Variants in NIPAL3 observed in about 807,000 individuals in gnomAD.
NIPAL3 encodes the protein NIPA like domain containing 3.
A neutral mutation model predicts 47.2 loss-of-function variants in NIPAL3; 41 were observed. That is an observed-to-expected ratio of 0.87 (90% CI 0.68 to 1.13). The LOEUF (loss-of-function observed/expected upper bound fraction) is 1.13. Ranked by LOEUF, NIPAL3 falls within the 50% of genes most tolerant of loss-of-function variation. The probability of loss-of-function intolerance (pLI) is 0.00; values close to 1 mark genes in which losing one functional copy is unlikely to be tolerated. For missense variants in NIPAL3, 449 were observed against 530.1 expected (o/e 0.85, Z 1.50); for synonymous variants, 194 against 209.6 (o/e 0.93, Z 0.64).
chr1:24,464,011 A>T lies in NIPAL3; in HGVS notation c.927-15A>T, dbSNP rs748834183. On this transcript the variant is annotated splice_polypyrimidine_tract_variant and intron_variant, in intron 10 of 11. Transcript: ENST00000374399. ...CTGGCCTTATTTCTCTTCCTATCTTATCTCCATTCCGCAGGTGCCTCATTG... is the reference window on the plus strand; with the variant it reads ...CTGGCCTTATTTCTCTTCCTATCTTTTCTCCATTCCGCAGGTGCCTCATTG... The T allele has an allele frequency of 3.1e-6, 5 of 1,605,814 alleles. No individual in the cohort carries two copies. The Admixed American group carries it at 8.4e-5, about 27-fold the overall frequency.
chr1:24,458,120 G>A (rs1185253296), intron 8 of NIPAL3, among the ~76,000 whole-genome samples: 1 of 152,196 alleles, frequency 6.6e-6, no homozygotes, highest in Non-Finnish European at 1.5e-5. Flanking sequence ...CTGGGGGACA[G>A]CCAGTGAAGA....
upstream of NIPAL3, chr1:24,413,604 G>A (rs967507219): frequency 6.6e-6 from 1 of 152,310 alleles, no homozygotes; most frequent in African/African-American, 2.4e-5. Context: ...CCCATGCGGA[G>A]GACATGGTGC....
chr1:24,441,140 A>G (rs1384608477), intron 3 of NIPAL3, among the ~76,000 whole-genome samples: 1 of 152,118 alleles, frequency 6.6e-6, no homozygotes, highest in Non-Finnish European at 1.5e-5. Flanking sequence ...GCTTCACTCC[A>G]CCAGCACTGC....
At chr1:24,432,825 A>G (rs974200912) in intron 2 of NIPAL3, among the ~76,000 whole-genome samples, 1 of 152,256 alleles carries the variant, frequency 6.6e-6, no homozygotes, top group African/African-American at 2.4e-5. Context: ...CATTGTCGTC[A>G]TCATCTCTAA....
chr1:24,461,978 C>A (rs1485303267), intron 10 of NIPAL3, among the ~76,000 whole-genome samples: 1 of 152,054 alleles, frequency 6.6e-6, no homozygotes, highest in African/African-American at 2.4e-5. Flanking sequence ...CTAATAAAGA[C>A]ATACCTGAGA....
intron 11 of NIPAL3, chr1:24,466,230 A>G: frequency 2.7e-6 from 2 of 739,978 alleles, no homozygotes; most frequent in East Asian, 5.5e-5. Flanking sequence ...TCAGCAGCAG[A>G]CAAGGCCACT....
intron 8 of NIPAL3, among the ~76,000 whole-genome samples, 184 bp downstream of exon 8, chr1:24,456,457 A>C (rs551939549): frequency 6.6e-6 from 1 of 152,280 alleles, no homozygotes; most frequent in African/African-American, 2.4e-5. Flanking sequence ...TGCCACTCAA[A>C]AGACGAAGCC....
chr1:24,453,467 C>T lies in NIPAL3; in HGVS notation c.600C>T (p.Asn200=), dbSNP rs149848571. ...ACTTCTACAAGGAGAAGAACGCCAA[C>T]AACATTGTCGTGATTCTTCTCTTGG... ...LLYFYKEKNA[N]NIVVILLLVA... The change falls in exon 7 of 12, where the codon AAC becomes AAT. Residue 200 remains asparagine, a synonymous_variant. Coordinates refer to ENST00000374399, the MANE Select transcript of NIPAL3 (RefSeq NM_020448.5). 17 of 1,613,552 alleles carry T rather than the reference C, an allele frequency of 1.1e-5. No individual in the cohort carries two copies. The highest frequency in any genetic ancestry group is 1.6e-4 in the Middle Eastern group (1 of 6,080).
chr1:24,464,016 C>T lies in NIPAL3; in HGVS notation c.927-10C>T. ...CTTATTTCTCTTCCTATCTTATCTC[C>T]ATTCCGCAGGTGCCTCATTGCATTC... On this transcript the variant is annotated splice_polypyrimidine_tract_variant and intron_variant, in intron 10 of 11. Coordinates refer to ENST00000374399, the MANE Select transcript of NIPAL3 (RefSeq NM_020448.5). The T allele has an allele frequency of 6.2e-7, 1 of 1,609,044 alleles. No homozygotes were observed. Among genetic ancestry groups the T allele is most frequent in the Non-Finnish European group, 8.5e-7 (1 of 1,176,646 alleles).
In NIPAL3 at chr1:24,469,408, T is replaced by C. The variant is rs1646833126; in HGVS notation, c.*223T>C. 1 of 519,152 alleles carries C rather than the reference T, an allele frequency of 1.9e-6. No homozygotes were observed. The highest frequency in any genetic ancestry group is 3.4e-6 in the Non-Finnish European group (1 of 291,806). 32.2% of individuals were successfully genotyped at this position (519,152 alleles called of 1,614,324 possible). On this transcript the variant is annotated 3_prime_UTR_variant, in exon 12 of 12. Coordinates refer to ENST00000374399, the MANE Select transcript of NIPAL3 (RefSeq NM_020448.5). ...GAAGCATTATTCCAGGTGGACGGGATAGAATCCAGCCTCTGCCTGGATTAG... is the reference window on the plus strand; with the variant it reads ...GAAGCATTATTCCAGGTGGACGGGACAGAATCCAGCCTCTGCCTGGATTAG...
intron 2 of NIPAL3, among the ~76,000 whole-genome samples, chr1:24,428,038 G>A (rs1436868538): frequency 2.0e-5 from 3 of 152,108 alleles, no homozygotes; most frequent in Non-Finnish European, 4.4e-5. Context: ...CCAGGAGTTC[G>A]AGACCAGCCT....
intron 2 of NIPAL3, among the ~76,000 whole-genome samples, chr1:24,432,655 T>C (rs1407556756): frequency 6.6e-6 from 1 of 152,240 alleles, no homozygotes; most frequent in African/African-American, 2.4e-5. Context: ...ACTAGCTATC[T>C]CTTATCCTCT....
rs1425509184 is a variant in NIPAL3, at chr1:24,419,563, A to G, written c.16A>G (p.Ser6Gly). 6.2e-7 allele frequency: 1 copy of G among 1,613,860 alleles called. No homozygotes were observed. Among genetic ancestry groups the G allele is most frequent in the Non-Finnish European group, 8.5e-7 (1 of 1,179,912 alleles). MDGSH[S>G]AALKLQQLPP... The stretch of plus-strand genomic sequence containing the variant: ...CTAGACCACCATGGACGGATCCCAC[A>G]GCGCAGCCCTGAAGCTGCAGCAGCT... The change falls in exon 2 of 12, where the codon AGC becomes GGC. Residue 6 changes from serine to glycine, a missense_variant. Coordinates refer to ENST00000374399, the MANE Select transcript of NIPAL3 (RefSeq NM_020448.5).
At chr1:24,466,674 T>C (rs1570395724) in intron 11 of NIPAL3, among the ~76,000 whole-genome samples, 1 of 152,206 alleles carries the variant, frequency 6.6e-6, no homozygotes, top group Non-Finnish European at 1.5e-5. Context: ...ACCTCTCTCA[T>C]TGCAATGTGT....
chr1:24,415,521 G>A (rs1455021739), upstream of NIPAL3: 2 of 152,344 alleles, frequency 1.3e-5, no homozygotes, highest in African/African-American at 4.8e-5. Context: ...TAAGCTCTCT[G>A]GGACAGCGGG....
rs1481595013 is a variant in NIPAL3 at position 24,454,042 on chromosome 1, T to A, written c.637+538T>A. 5.0e-5 allele frequency: 27 copies of A among 536,238 alleles called. No individual in the cohort carries two copies. Among genetic ancestry groups the A allele is most frequent in the Non-Finnish European group, 8.0e-5 (24 of 301,616 alleles). 33.2% of individuals were successfully genotyped at this position (536,238 alleles called of 1,614,324 possible). A position where few individuals can be genotyped will look rare whatever the true frequency, so the allele number is the denominator to read the frequency against. ...CATATTAATTTTTCCTTTTTTTTTT[T>A]TTTTGAGACAGTCTTGCTCTGTCAC... is the stretch of plus-strand genomic sequence containing the variant. On this transcript the variant is annotated intron_variant, in intron 7 of 11. Coordinates refer to ENST00000374399, the MANE Select transcript of NIPAL3 (RefSeq NM_020448.5). This position sits in a 1 kb window ranked among gnomAD's most constrained non-coding sequence, Gnocchi z 4.1.
chr1:24,416,379 A>G lies in NIPAL3; in HGVS notation c.-258+475A>G. 8 of 970,450 alleles carry G rather than the reference A, an allele frequency of 8.2e-6. No individual in the cohort carries two copies. The highest frequency in any genetic ancestry group is 9.8e-6 in the Non-Finnish European group (8 of 816,226). The allele number at this position is 970,450 out of a possible 1,614,324, so 60.1% of individuals were successfully genotyped here. A position where few individuals can be genotyped will look rare whatever the true frequency, so the allele number is the denominator to read the frequency against. On this transcript the variant is annotated intron_variant, in intron 1 of 11. Transcript: ENST00000374399. The surrounding 1 kb of genome is among the most constrained non-coding windows in gnomAD (Gnocchi z 4.8). ...AAAGCCGAGGAACGGGAAGCTTGGC[A>G]GGGAACTGGCGCTCACCTCCAGAAG...
chr1:24,427,772 A>G (rs1251448005), intron 2 of NIPAL3, among the ~76,000 whole-genome samples: 2 of 152,216 alleles, frequency 1.3e-5, no homozygotes, highest in Non-Finnish European at 2.9e-5. Context: ...GTGCTCCATC[A>G]ATACCAGCCT....
chr1:24,468,882 T>C (rs2148870599), intron 11 of NIPAL3, 104 bp from the exon 12 acceptor site: 3 of 1,008,920 alleles, frequency 3.0e-6, no homozygotes, highest in Non-Finnish European at 4.5e-6. Context: ...TGCACATGAT[T>C]AGCTGCTGAG....
Sources: gnomAD v4.1 joint callset for allele counts (sites outside exome capture counted in the v4.1 genomes callset) on GRCh38, gnomAD v4.1.1 for gene constraint, Gnocchi (gnomAD v3.1) non-coding constraint, MANE v1.5 for transcripts, NCBI Gene and HGNC (gene_info 2026-07-23, HGNC 2026-07-21) for gene names.